SFMBT2: variants seen among roughly 807,000 people sequenced by gnomAD.
SFMBT2 encodes the protein scm-like with four MBT domains protein 2.
Under a neutral mutation model 110.1 loss-of-function variants are expected in SFMBT2, and 38 were observed. That is an observed-to-expected ratio of 0.35 (90% CI 0.27 to 0.45). The LOEUF is 0.45. Ranked by LOEUF, SFMBT2 falls within the 20% of genes least tolerant of loss-of-function variation. The probability of loss-of-function intolerance (pLI) is 1.00; values close to 1 mark genes in which losing one functional copy is unlikely to be tolerated. For missense variants in SFMBT2, 1,011 were observed against 1,094.9 expected (o/e 0.92, Z 1.08); for synonymous variants, 425 against 425.4 (o/e 1.00, Z 0.01).
At chr10:7,173,692 C>A (rs1837960433) in intron 17 of SFMBT2, among the ~76,000 whole-genome samples, 1 of 152,172 alleles carries the variant, frequency 6.6e-6, no homozygotes, top group Admixed American at 6.5e-5. Flanking sequence ...TCAATTACGA[C>A]CCAGACGCCT....
chr10:7,281,151 TG>T (rs1841939708), intron 6 of SFMBT2, among the ~76,000 whole-genome samples: 1 of 152,102 alleles, frequency 6.6e-6, no homozygotes, highest in East Asian at 1.9e-4. Context: ...GAAGCTGCGA[TG>T]GGAAGATCAC....
rs547632535 is a variant in SFMBT2 at position 7,310,763 on chromosome 10, G to A, written c.437-24809C>T. 2.0e-5 allele frequency among the ~76,000 whole-genome samples: 3 copies of A among 152,316 alleles called. No individual in the cohort carries two copies. The East Asian group carries it at 5.8e-4, about 29-fold the overall frequency. On this transcript the variant is annotated intron_variant, in intron 4 of 20. Transcript: ENST00000397167. The stretch of plus-strand genomic sequence containing the variant: ...CTTCGTGTGCAAAAAATGTCAGCCA[G>A]GGCTAGACGCGGTGGCTCATGCTTG...
At chr10:7,320,161 A>G (rs1362828340) in intron 4 of SFMBT2, among the ~76,000 whole-genome samples, 3 of 152,262 alleles carry the variant, frequency 2.0e-5, no homozygotes, top group Non-Finnish European at 4.4e-5. Context: ...TGCATGGCTC[A>G]TTACTTTAAT....
At chr10:7,389,185 G>A (rs542660604) in intron 1 of SFMBT2, among the ~76,000 whole-genome samples, 1 of 152,238 alleles carries the variant, frequency 6.6e-6, no homozygotes, top group East Asian at 1.9e-4. Context: ...TCAAATATGA[G>A]AATAATAACC....
intron 4 of SFMBT2, among the ~76,000 whole-genome samples, chr10:7,288,590 G>A (rs1201272742): frequency 3.3e-5 from 5 of 152,224 alleles, no homozygotes; most frequent in South Asian, 4.1e-4. Context: ...TCACTGAGAC[G>A]AAAACAAGAT....
intron 2 of SFMBT2, among the ~76,000 whole-genome samples, chr10:7,377,988 G>A (rs1445137232): frequency 6.7e-6 from 1 of 150,220 alleles, no homozygotes; most frequent in Non-Finnish European, 1.5e-5. Flanking sequence ...GTGGGGGGGA[G>A]GTGGGTGTGA....
intron 16 of SFMBT2, among the ~76,000 whole-genome samples, chr10:7,180,903 T>C (rs1031000625): frequency 1.7e-4 from 26 of 152,236 alleles, no homozygotes; most frequent in Middle Eastern, 3.4e-3. Flanking sequence ...AAGGCTAGGA[T>C]GAACCCTGGC....
At chr10:7,269,101 T>C (rs1764930195) in intron 7 of SFMBT2, among the ~76,000 whole-genome samples, 1 of 152,206 alleles carries the variant, frequency 6.6e-6, no homozygotes, top group Non-Finnish European at 1.5e-5. Context: ...TTAATGTCCT[T>C]TGAGTTTTTT....
intron 4 of SFMBT2, among the ~76,000 whole-genome samples, chr10:7,331,684 G>GTGACTTGAC (rs1396599459): frequency 6.6e-6 from 1 of 152,102 alleles, no homozygotes; most frequent in Non-Finnish European, 1.5e-5. Flanking sequence ...CACAGATGAA[G>GTGACTTGAC]TGACTGACAC....
intron 4 of SFMBT2, chr10:7,348,021 C>T (rs1313214661): frequency 2.9e-5 from 9 of 315,158 alleles, no homozygotes; most frequent in Non-Finnish European, 4.0e-5. Flanking sequence ...GTACATACTG[C>T]TTTCTTCATT....
intron 9 of SFMBT2, among the ~76,000 whole-genome samples, chr10:7,242,947 C>T (rs1014468259): frequency 2.0e-5 from 3 of 152,212 alleles, no homozygotes; most frequent in Non-Finnish European, 4.4e-5. Flanking sequence ...CTCTTAGTCT[C>T]ACCTCTCATC....
chr10:7,401,313 T>C (rs144466093), intron 1 of SFMBT2, among the ~76,000 whole-genome samples: 331 of 152,254 alleles, frequency 2.2e-3, no homozygotes, highest in African/African-American at 7.1e-3. Context: ...GGATACAGAC[T>C]ACACCTCTCA....
intron 11 of SFMBT2, among the ~76,000 whole-genome samples, chr10:7,218,009 G>C (rs1009859381): frequency 2.5e-4 from 38 of 152,160 alleles, no homozygotes; most frequent in African/African-American, 9.2e-4. Flanking sequence ...CGTAAAGAAT[G>C]AATCAACTTC....
chr10:7,409,004 A>G (rs1207748320), intron 1 of SFMBT2, among the ~76,000 whole-genome samples: 2 of 151,912 alleles, frequency 1.3e-5, no homozygotes, highest in Non-Finnish European at 2.9e-5. Flanking sequence ...CTAGAGCGCG[A>G]AACCCAAAAG....
At chr10:7,169,261 C>T (rs561107217) in intron 20 of SFMBT2, among the ~76,000 whole-genome samples, 3 of 152,298 alleles carry the variant, frequency 2.0e-5, no homozygotes, top group East Asian at 1.9e-4. Flanking sequence ...CCGCCATGGC[C>T]GGCCTAATCA....
At chr10:7,402,434 CA>C (rs1380602322) in intron 1 of SFMBT2, among the ~76,000 whole-genome samples, 2 of 152,094 alleles carry the variant, frequency 1.3e-5, no homozygotes, top group African/African-American at 4.8e-5. Flanking sequence ...GGGGTCACAC[CA>C]AAAGCCCTAA....
At chr10:7,206,452 AG>A in intron 11 of SFMBT2, 1 of 985,390 alleles carries the variant, frequency 1.0e-6, no homozygotes, top group East Asian at 1.1e-4. Context: ...CTCAAAAACA[AG>A]GTTTATGAGC....
intron 8 of SFMBT2, among the ~76,000 whole-genome samples, chr10:7,246,597 T>C (rs1022524601): frequency 6.7e-6 from 1 of 149,888 alleles, no homozygotes; most frequent in Admixed American, 6.8e-5. Flanking sequence ...CAGGCGCCTA[T>C]AATCCCAGCT....
At chr10:7,348,269 G>A in intron 4 of SFMBT2, 1 of 1,512,686 alleles carries the variant, frequency 6.6e-7, no homozygotes. Context: ...TCTCGAAGAA[G>A]TTTTGAGACA....
Sources: gnomAD v4.1 joint callset for allele counts (sites outside exome capture counted in the v4.1 genomes callset) on GRCh38, gnomAD v4.1.1 for gene constraint, MANE v1.5 for transcripts, NCBI Gene and HGNC (gene_info 2026-07-23, HGNC 2026-07-21) for gene names.